Variants in SLC5A12 observed in about 807,000 individuals in gnomAD.
The protein encoded by SLC5A12 is sodium-coupled monocarboxylate transporter 2.
A neutral mutation model predicts 72.7 loss-of-function variants in SLC5A12; 46 were observed. That is an observed-to-expected ratio of 0.63 (90% confidence interval 0.50 to 0.81). The LOEUF (loss-of-function observed/expected upper bound fraction) is 0.81, where lower values mean the gene tolerates loss of function less well. SLC5A12 is among the 30% of genes least tolerant of loss of function. The pLI is 0.00. For synonymous variants in SLC5A12, 275 were observed against 264.4 expected (o/e 1.04, Z -0.39); for missense variants, 683 against 740.7 (o/e 0.92, Z 0.90).
At chr11:26,682,460 G>A (rs913233405) in intron 11 of SLC5A12, among the ~76,000 whole-genome samples, 2 of 152,108 alleles carry the variant, frequency 1.3e-5, no homozygotes, top group Non-Finnish European at 2.9e-5. Context: ...TTCTGAAGGT[G>A]TAGCCACATT....
Position 26,667,336 on chromosome 11 carries a change from A to G in SLC5A12, c.*3766T>C, listed in dbSNP as rs1207776356. On this transcript the variant is annotated 3_prime_UTR_variant, in exon 15 of 15. Coordinates refer to ENST00000396005, the MANE Select transcript of SLC5A12 (RefSeq NM_178498.4). ...ATTTTTTCCGTATCTGATCTTTGTA[A>G]TAATGTTTGATTAAGACTGTAACAG... The G allele has an allele frequency of 6.6e-6, 1 of 151,940 alleles. No homozygotes were observed. Among genetic ancestry groups the G allele is most frequent in the Non-Finnish European group, 1.5e-5 (1 of 67,874 alleles). The allele number at this position is 151,940 out of a possible 1,614,324, so 9.4% of individuals were successfully genotyped here.
At chr11:26,713,835 G>A (rs1353535995) in intron 1 of SLC5A12, among the ~76,000 whole-genome samples, 1 of 152,046 alleles carries the variant, frequency 6.6e-6, no homozygotes, top group Non-Finnish European at 1.5e-5. Context: ...GTGAGCAGGA[G>A]GCTCCTACAC....
chr11:26,708,554 A>T (rs1243219279), intron 4 of SLC5A12, among the ~76,000 whole-genome samples: 1 of 151,994 alleles, frequency 6.6e-6, no homozygotes, highest in Non-Finnish European at 1.5e-5. Flanking sequence ...AAATATATTA[A>T]TTTTTTATTT....
rs377339415 is a variant in SLC5A12 at position 26,678,794 on chromosome 11, C to T, written c.1497G>A (p.Trp499Ter). 6.2e-7 allele frequency: 1 copy of T among 1,612,862 alleles called. No individual in the cohort carries two copies. The highest frequency in any genetic ancestry group is 8.5e-7 in the Non-Finnish European group (1 of 1,179,280). ...LSSRPGIADT[W>*]YSISYLYYSA... is the part of the protein sequence containing the mutation. ...TGTAGTAAAGGTAGGAGATCGAGTA[C>T]CAGGTATCAGCTATTCCAGGTCTGT... Residue 499 changes from tryptophan (W) to a stop codon, truncating the protein, a stop_gained, in exon 13 of 15, where the codon TGG (tryptophan) becomes TGA (stop). Coordinates refer to ENST00000396005, the MANE Select transcript of SLC5A12 (RefSeq NM_178498.4). LOFTEE classifies it high-confidence loss of function.
intron 4 of SLC5A12, among the ~76,000 whole-genome samples, chr11:26,705,115 T>C (rs911414746): frequency 1.3e-5 from 2 of 151,982 alleles, no homozygotes; most frequent in Non-Finnish European, 2.9e-5. Context: ...TAAATAACAT[T>C]TAAGCCCTAT....
intron 13 of SLC5A12, 88 bp from the exon 14 acceptor site, chr11:26,673,617 G>T: frequency 7.0e-7 from 1 of 1,436,610 alleles, no homozygotes. Context: ...TGAAAAGTAG[G>T]TTGCTTTTTA....
At chr11:26,702,621 T>A (rs991594204) in intron 6 of SLC5A12, among the ~76,000 whole-genome samples, 59 of 152,256 alleles carry the variant, frequency 3.9e-4, no homozygotes, top group African/African-American at 1.4e-3. Context: ...TGGGGTGGCT[T>A]GCAGGGCTTG....
Position 26,703,841 on chromosome 11 carries a change from T to C in SLC5A12, c.632A>G (p.His211Arg). 1 of 1,613,984 alleles carries C rather than the reference T, an allele frequency of 6.2e-7. No homozygotes were observed. The highest frequency in any genetic ancestry group is 2.2e-5 in the East Asian group (1 of 44,860). ...IQGSTHAGGFHNVLEQSTNGS... is the reference protein window; with the variant it reads ...IQGSTHAGGFRNVLEQSTNGS... ...ATTTGTTGATTGCTCTAATACATTGTGGAATCCCCCAGCATGAGTTGATCC... is the reference window on the plus strand; with the variant it reads ...ATTTGTTGATTGCTCTAATACATTGCGGAATCCCCCAGCATGAGTTGATCC... Residue 211 changes from histidine to arginine, a missense_variant, in exon 5 of 15, where the codon CAC (histidine) becomes CGC (arginine). Physicochemically the swap from His to Arg is conservative, Grantham distance 29 (BLOSUM62 0). Transcript: ENST00000396005.
At chr11:26,684,472 C>T (rs1854482634) in intron 10 of SLC5A12, among the ~76,000 whole-genome samples, 1 of 152,062 alleles carries the variant, frequency 6.6e-6, no homozygotes. Context: ...ATTTTATCTT[C>T]CCTGTGGGAA....
At chr11:26,708,311 C>A (rs1223314401) in intron 4 of SLC5A12, among the ~76,000 whole-genome samples, 2 of 151,842 alleles carry the variant, frequency 1.3e-5, no homozygotes, top group African/African-American at 4.8e-5. Flanking sequence ...GTAAGAGGAG[C>A]AAGAGTCTAT....
intron 1 of SLC5A12, among the ~76,000 whole-genome samples, chr11:26,717,306 A>C (rs1855372873): frequency 6.6e-6 from 1 of 152,184 alleles, no homozygotes; most frequent in African/African-American, 2.4e-5. Flanking sequence ...GAAGCCAAGA[A>C]GTCCAAGAAA....
At chr11:26,707,857 T>G (rs888250875) in intron 4 of SLC5A12, among the ~76,000 whole-genome samples, 1 of 152,038 alleles carries the variant, frequency 6.6e-6, no homozygotes, top group Non-Finnish European at 1.5e-5. Flanking sequence ...TCTTATAGTC[T>G]TCAGTTGGAT....
chr11:26,681,114 T>C lies in SLC5A12; in HGVS notation c.1416A>G (p.Ser472=). 1 of 1,611,478 alleles carries C rather than the reference T, an allele frequency of 6.2e-7. No individual in the cohort carries two copies. Among genetic ancestry groups the C allele is most frequent in the Non-Finnish European group, 8.5e-7 (1 of 1,178,730 alleles). Reference sequence around the variant, plus strand: ...CATTTGATTTGATACATTGGTCTGTTGACAGAGGCAAAGGCCATGTCTTAG... The same window carrying C: ...CATTTGATTTGATACATTGGTCTGTCGACAGAGGCAAAGGCCATGTCTTAG... The part of the protein sequence containing the change: ...PASKTWPLPL[S]TDQCIKSNVT... The change falls in exon 12 of 15, where the codon TCA becomes TCG. Residue 472 remains serine, a synonymous_variant. Coordinates refer to ENST00000396005, the MANE Select transcript of SLC5A12 (RefSeq NM_178498.4).
intron 5 of SLC5A12, 46 bp downstream of exon 5, chr11:26,703,747 T>C: frequency 6.2e-7 from 1 of 1,612,860 alleles, no homozygotes; most frequent in East Asian, 2.2e-5. Context: ...GATAAGGTCA[T>C]GTAGCTAAGT....
At chr11:26,690,626 C>T (rs906347220) in intron 9 of SLC5A12, among the ~76,000 whole-genome samples, 2 of 131,284 alleles carry the variant, frequency 1.5e-5, no homozygotes, top group Non-Finnish European at 3.1e-5. Context: ...GCCTGACCAA[C>T]ATGGAGAAAC....
chr11:26,683,803 A>T lies in SLC5A12; in HGVS notation c.1262T>A (p.Leu421Gln). Residue 421 changes from leucine (L) to glutamine (Q), a missense_variant, in exon 11 of 15, where the codon CTG becomes CAG. Leu to Gln is a moderately radical substitution (Grantham distance 113). Transcript: ENST00000396005. ...SIHGMCGGPM[L>Q]GLFSLGIVFP... ...CACGATTCCCAGGGAGAATAAGCCCAGCATTGGTCCTCCACACATGCCGTG... is the reference window on the plus strand; with the variant it reads ...CACGATTCCCAGGGAGAATAAGCCCTGCATTGGTCCTCCACACATGCCGTG... 6.3e-7 allele frequency: 1 copy of T among 1,599,112 alleles called. No individual in the cohort carries two copies. Among genetic ancestry groups the T allele is most frequent in the Non-Finnish European group, 8.5e-7 (1 of 1,173,240 alleles).
Position 26,673,506 on chromosome 11 carries a change from G to T in SLC5A12, c.1603C>A (p.Gln535Lys), listed in dbSNP as rs757760415. 1 of 1,609,984 alleles carries T rather than the reference G, an allele frequency of 6.2e-7. No individual in the cohort carries two copies. The highest frequency in any genetic ancestry group is 8.5e-7 in the Non-Finnish European group (1 of 1,178,118). The change falls in exon 14 of 15, where the codon CAA becomes AAA. Residue 535 changes from glutamine to lysine, a missense_variant. By Grantham distance (53) the Gln-to-Lys change is moderately conservative (BLOSUM62 1). Coordinates refer to ENST00000396005, the MANE Select transcript of SLC5A12 (RefSeq NM_178498.4). ...ITGRQRGEDI[Q>K]PLLIRPVCNL... ...CAAACTGGTCTAATTAACAGTGGTT[G>T]AATATCCTCACCTCTTTGGCGACCT...
At chr11:26,702,977 A>G (rs1854994963) in intron 6 of SLC5A12, among the ~76,000 whole-genome samples, 1 of 152,192 alleles carries the variant, frequency 6.6e-6, no homozygotes, top group South Asian at 2.1e-4. Context: ...GCTGTAACCA[A>G]TCAAATACTT....
intron 12 of SLC5A12, among the ~76,000 whole-genome samples, chr11:26,679,410 A>G (rs1854338753): frequency 6.6e-6 from 1 of 152,168 alleles, no homozygotes; most frequent in Non-Finnish European, 1.5e-5. Flanking sequence ...AGGAGGGAAG[A>G]ATCAACATGG....
Sources: allele counts gnomAD v4.1 joint callset (sites outside exome capture counted in the v4.1 genomes callset), GRCh38; gene constraint gnomAD v4.1.1; transcripts MANE v1.5; gene names NCBI Gene and HGNC (gene_info 2026-07-23, HGNC 2026-07-21).